The following TRIO variants were observed in gnomAD, a reference collection of about 807,000 sequenced individuals.
TRIO encodes triple functional domain protein.
A neutral mutation model predicts 351.9 loss-of-function variants in TRIO; 58 were observed. The ratio of observed to expected loss-of-function variants is 0.16; its 90% CI spans 0.13 to 0.21. TRIO has a LOEUF of 0.21. TRIO is among the 10% of genes least tolerant of loss of function. The pLI, the probability that TRIO is intolerant of heterozygous loss-of-function variation, is 1.00. For missense variants in TRIO, 3,201 were observed against 4,027.8 expected, an observed-to-expected ratio of 0.79 and a Z score of 5.56; for synonymous variants, 1,758 against 1,595.7, an observed-to-expected ratio of 1.10 and a Z score of -2.42.
intron 24 of TRIO, 107 bp downstream of exon 24, chr5:14,388,786 TC>T: frequency 7.6e-7 from 1 of 1,309,448 alleles, no homozygotes; most frequent in South Asian, 1.4e-5. Context: ...ACAATTTTTT[TC>T]TGTCATTTTT....
chr5:14,332,461 A>G (rs1581637441), intron 10 of TRIO, among the ~76,000 whole-genome samples: 2 of 152,234 alleles, frequency 1.3e-5, no homozygotes, highest in South Asian at 2.1e-4. Context: ...CACGTGTAGC[A>G]TGCTCTAAAT....
chr5:14,336,194 C>G (rs1303252455), intron 10 of TRIO, among the ~76,000 whole-genome samples: 1 of 152,122 alleles, frequency 6.6e-6, no homozygotes, highest in Non-Finnish European at 1.5e-5. Context: ...AAAAGTGAAG[C>G]AGGCATTTGT....
At chr5:14,185,163 C>T (rs1790031038) in intron 1 of TRIO, among the ~76,000 whole-genome samples, 1 of 149,116 alleles carries the variant, frequency 6.7e-6, no homozygotes, top group Non-Finnish European at 1.5e-5. Context: ...TCCCCGCCCC[C>T]CACCACCATT....
At chr5:14,297,297 T>TA in intron 7 of TRIO, 34 bp downstream of exon 7, 2 of 1,593,766 alleles carry the variant, frequency 1.3e-6, no homozygotes, top group Non-Finnish European at 1.7e-6. Context: ...CACGAGGTGG[T>TA]AACCAGAATA....
At chr5:14,473,773 G>A (rs1193946682) in intron 39 of TRIO, among the ~76,000 whole-genome samples, 3 of 152,184 alleles carry the variant, frequency 2.0e-5, no homozygotes, top group Non-Finnish European at 4.4e-5. Flanking sequence ...ATGCTGAACA[G>A]TCCAGGGAAA....
chr5:14,242,719 C>A (rs1266689910), intron 1 of TRIO, among the ~76,000 whole-genome samples: 1 of 152,176 alleles, frequency 6.6e-6, no homozygotes, highest in South Asian at 2.1e-4. Flanking sequence ...GGACTGCAGG[C>A]GTGCCACCAT....
chr5:14,503,043 C>T (rs1252294562), intron 54 of TRIO, among the ~76,000 whole-genome samples: 1 of 152,220 alleles, frequency 6.6e-6, no homozygotes, highest in African/African-American at 2.4e-5. Context: ...CAAGGAGTGA[C>T]AGTAAAATTA....
At chr5:14,195,228 A>G (rs1394660712) in intron 1 of TRIO, among the ~76,000 whole-genome samples, 1 of 152,178 alleles carries the variant, frequency 6.6e-6, no homozygotes, top group Non-Finnish European at 1.5e-5. Flanking sequence ...TGGAAGAGCT[A>G]TTCAGTCTGT....
At chr5:14,461,922 A>G (rs1753847826) in intron 35 of TRIO, among the ~76,000 whole-genome samples, 1 of 152,270 alleles carries the variant, frequency 6.6e-6, no homozygotes, top group Non-Finnish European at 1.5e-5. Flanking sequence ...TAGGTCAGCC[A>G]GAGATTTTTT....
At chr5:14,215,610 A>G (rs888763491) in intron 1 of TRIO, among the ~76,000 whole-genome samples, 1 of 152,200 alleles carries the variant, frequency 6.6e-6, no homozygotes, top group Non-Finnish European at 1.5e-5. Context: ...TGATGATTCC[A>G]CAAAGTTTGA....
chr5:14,163,241 A>G (rs982818633), intron 1 of TRIO, among the ~76,000 whole-genome samples: 2 of 151,660 alleles, frequency 1.3e-5, no homozygotes, highest in Non-Finnish European at 2.9e-5. Flanking sequence ...TCATTGTTCA[A>G]CTCTTACTTA....
chr5:14,251,334 C>T (rs1794734075), intron 1 of TRIO, among the ~76,000 whole-genome samples: 1 of 152,188 alleles, frequency 6.6e-6, no homozygotes, highest in African/African-American at 2.4e-5. Context: ...AAACTGTGTC[C>T]CTACTGATTT....
chr5:14,352,811 C>T (rs1327303270), intron 11 of TRIO, among the ~76,000 whole-genome samples: 2 of 152,182 alleles, frequency 1.3e-5, no homozygotes, highest in Non-Finnish European at 2.9e-5. Context: ...GCTGGTTTCA[C>T]CAGCCAGCGG....
chr5:14,450,845 G>C (rs1023215952), intron 34 of TRIO, among the ~76,000 whole-genome samples: 1 of 152,174 alleles, frequency 6.6e-6, no homozygotes, highest in East Asian at 1.9e-4. Context: ...CCCTGGGGAC[G>C]CAGTGTCCAT....
At chr5:14,161,751 G>A (rs1361600683) in intron 1 of TRIO, among the ~76,000 whole-genome samples, 2 of 152,194 alleles carry the variant, frequency 1.3e-5, no homozygotes, top group Non-Finnish European at 2.9e-5. Context: ...TTTTGAGACA[G>A]CGTCTCACCC....
chr5:14,195,127 A>G (rs945738342), intron 1 of TRIO, among the ~76,000 whole-genome samples: 2 of 152,216 alleles, frequency 1.3e-5, no homozygotes, highest in African/African-American at 4.8e-5. Context: ...AGATCTTGCC[A>G]GGTGCCCATT....
chr5:14,300,474 C>G (rs1340271342), intron 7 of TRIO, among the ~76,000 whole-genome samples: 1 of 152,200 alleles, frequency 6.6e-6, no homozygotes, highest in South Asian at 2.1e-4. Flanking sequence ...AGCACAGATA[C>G]ACATTTCTAT....
intron 11 of TRIO, among the ~76,000 whole-genome samples, chr5:14,356,319 G>A (rs1170931894): frequency 2.6e-5 from 4 of 152,324 alleles, no homozygotes; most frequent in Non-Finnish European, 4.4e-5. Context: ...AAGTCATCTG[G>A]TAATAGTGTG....
chr5:14,154,777 G>A (rs1258780140), intron 1 of TRIO, among the ~76,000 whole-genome samples: 1 of 152,146 alleles, frequency 6.6e-6, no homozygotes, highest in Non-Finnish European at 1.5e-5. Context: ...TTGAAATGCT[G>A]GTCTCTTGAA....
Sources: gnomAD v4.1 joint callset for allele counts (sites outside exome capture counted in the v4.1 genomes callset) on GRCh38, gnomAD v4.1.1 for gene constraint, MANE v1.5 for transcripts, NCBI Gene and HGNC (gene_info 2026-07-23, HGNC 2026-07-21) for gene names.